The following SRP19 variants were observed in gnomAD, a reference collection of about 807,000 sequenced individuals.
SRP19 encodes signal recognition particle 19, also known as signal recognition particle 19 kDa protein.
A neutral mutation model predicts 22.4 loss-of-function variants in SRP19; 11 were observed. The ratio of observed to expected loss-of-function variants is 0.49; its 90% CI spans 0.31 to 0.81. The LOEUF is 0.81. Among genes scored for constraint, SRP19 ranks in the 40% least tolerant of loss-of-function variants. The pLI is 0.05. For missense variants in SRP19, 168 were observed against 175.9 expected (o/e 0.96, Z 0.25); for synonymous variants, 61 against 57.6 (o/e 1.06, Z -0.27).
downstream of SRP19, chr5:112,894,015 T>C (rs1366104748): frequency 6.6e-6 from 1 of 152,244 alleles, no homozygotes; most frequent in Non-Finnish European, 1.5e-5. Context: ...GCATTAGCTT[T>C]GTTTCCTTGG....
exon 5 of SRP19, chr5:112,891,794 A>T (rs1352403158): frequency 1.2e-6 from 2 of 1,609,566 alleles, no homozygotes; most frequent in East Asian, 4.5e-5. Context: ...TCACAGGAGG[A>T]GGAAGAGGAC....
chr5:112,875,131 T>A (rs957695115), intron 4 of SRP19, among the ~76,000 whole-genome samples: 1 of 152,150 alleles, frequency 6.6e-6, no homozygotes, highest in Non-Finnish European at 1.5e-5. Context: ...TAAATGTGTA[T>A]GTTGTAAGAT....
In SRP19 at chr5:112,864,906, G is replaced by T. The variant is rs978013504; in HGVS notation, c.301+174G>T. 1.6e-5 allele frequency: 7 copies of T among 436,024 alleles called. No homozygotes were observed. In the South Asian group the frequency reaches 3.5e-4, roughly 22 times the overall value. 27.0% of individuals were successfully genotyped at this position (436,024 alleles called of 1,614,324 possible). A position where few individuals can be genotyped will look rare whatever the true frequency, so the allele number is the denominator to read the frequency against. On this transcript the variant is annotated intron_variant, in intron 4 of 4. Coordinates refer to ENST00000505459, the MANE Select transcript of SRP19 (RefSeq NM_003135.3). ...TAGTTCTAATTTCTTTGAGGTGAAT[G>T]ACCTCTTTGAAAATGTAATGAGACC...
chr5:112,875,543 T>A (rs1767875342), intron 4 of SRP19, among the ~76,000 whole-genome samples: 1 of 151,994 alleles, frequency 6.6e-6, no homozygotes, highest in Non-Finnish European at 1.5e-5. Context: ...TTTTTTGGTA[T>A]TTTTTGTAGA....
At chr5:112,878,894 G>C in intron 4 of SRP19, 3 of 1,612,908 alleles carry the variant, frequency 1.9e-6, no homozygotes, top group Non-Finnish European at 2.5e-6. Flanking sequence ...TGGAATGCAA[G>C]CTTGCAAGCT....
chr5:112,864,017 G>T (rs148525022), intron 2 of SRP19, among the ~76,000 whole-genome samples: 213 of 152,254 alleles, frequency 1.4e-3, no homozygotes, highest in Non-Finnish European at 2.6e-3. Flanking sequence ...GTTTTTTAGA[G>T]AACATATTTT....
At chr5:112,872,355 T>C (rs963700286), downstream of SRP19, among the ~76,000 whole-genome samples, 4 of 110,278 alleles carry the variant, frequency 3.6e-5, no homozygotes, top group Non-Finnish European at 7.3e-5. Context: ...TGAGACAGAG[T>C]CTTATTCTTG....
chr5:112,895,992 C>T (rs189722528), downstream of SRP19: 2 of 152,468 alleles, frequency 1.3e-5, no homozygotes, highest in Non-Finnish European at 2.9e-5. Context: ...CATTCTATTC[C>T]GTCTGTGCTT....
At position 112,892,616 on chromosome 5, in the gene SRP19, C is replaced by G. The variant is rs539002159; in HGVS notation, c.*1009C>G. On this transcript the variant is annotated 3_prime_UTR_variant, in exon 5 of 5. Transcript: ENST00000391338. Reference sequence around the variant, plus strand: ...GGTTTATTTGAAATACAACAATGTCCAAGAGGAAAACACTGCAACTTTCTT... The same window carrying G: ...GGTTTATTTGAAATACAACAATGTCGAAGAGGAAAACACTGCAACTTTCTT... 11 of 1,614,076 alleles carry G rather than the reference C, an allele frequency of 6.8e-6. No homozygotes were observed. In the African/African-American group the frequency reaches 1.2e-4, roughly 18 times the overall value.
rs1249826469 is a variant in SRP19, at chr5:112,862,733, C to T, written c.117+150C>T. The T allele has an allele frequency of 4.4e-6, 3 of 686,946 alleles. No individual in the cohort carries two copies. In the African/African-American group the frequency reaches 5.4e-5, roughly 12 times the overall value. The allele number at this position is 686,946 out of a possible 1,614,324, so 42.6% of individuals were successfully genotyped here. On this transcript the variant is annotated intron_variant, in intron 2 of 4. Coordinates refer to ENST00000505459, the MANE Select transcript of SRP19 (RefSeq NM_003135.3). ...CAGCCAAGAATTGGGGTGCGTTCCT[C>T]AGTGTTGGTGAAACCAGAAAGGCAT...
chr5:112,880,712 A>C (rs1050040432), intron 4 of SRP19, among the ~76,000 whole-genome samples: 1 of 152,238 alleles, frequency 6.6e-6, no homozygotes, highest in African/African-American at 2.4e-5. Flanking sequence ...TTGGATTTTA[A>C]GTATTGATAT....
At chr5:112,871,180 GA>G (rs1207754658), downstream of SRP19, among the ~76,000 whole-genome samples, 1 of 148,316 alleles carries the variant, frequency 6.7e-6, no homozygotes, top group Non-Finnish European at 1.5e-5. Flanking sequence ...TAAGATTTCA[GA>G]ACTATTGCTG....
chr5:112,878,557 T>TA (rs1425008322), intron 4 of SRP19: 2 of 532,148 alleles, frequency 3.8e-6, no homozygotes, highest in Non-Finnish European at 6.4e-6. Context: ...AGAGGCAAAA[T>TA]ACATTTTCCA....
At chr5:112,873,782 TTC>T (rs1271267586), downstream of SRP19, among the ~76,000 whole-genome samples, 4 of 152,330 alleles carry the variant, frequency 2.6e-5, no homozygotes, top group East Asian at 5.8e-4. Flanking sequence ...CTTTTTTTCT[TTC>T]TGTTTTTATT....
chr5:112,862,203 G>T (rs1349523445), intron 1 of SRP19, among the ~76,000 whole-genome samples: 3 of 152,166 alleles, frequency 2.0e-5, no homozygotes, highest in East Asian at 1.9e-4. Flanking sequence ...GTTGGTTACA[G>T]AATTTTCTAG....
At chr5:112,861,994 A>G (rs1159686057) in intron 1 of SRP19, among the ~76,000 whole-genome samples, 2 of 152,236 alleles carry the variant, frequency 1.3e-5, no homozygotes, top group Non-Finnish European at 2.9e-5. Context: ...TGTACCAGCA[A>G]TGATGACGAC....
At chr5:112,894,489 C>T (rs1000792796), downstream of SRP19, 2 of 152,126 alleles carry the variant, frequency 1.3e-5, no homozygotes, top group Admixed American at 1.3e-4. Flanking sequence ...AGCTATACAT[C>T]CCCAAAATGC....
At chr5:112,887,608 A>G (rs1768299550) in intron 4 of SRP19, among the ~76,000 whole-genome samples, 1 of 152,212 alleles carries the variant, frequency 6.6e-6, no homozygotes, top group South Asian at 2.1e-4. Context: ...TGGTAAGTTT[A>G]TCACATTTAT....
chr5:112,864,242 T>C (rs530291476), intron 2 of SRP19, among the ~76,000 whole-genome samples: 1 of 152,228 alleles, frequency 6.6e-6, no homozygotes, highest in Non-Finnish European at 1.5e-5. Context: ...CTCAGAAGTT[T>C]ATGTTCTGTT....
Sources: gnomAD v4.1 joint callset for allele counts (sites outside exome capture counted in the v4.1 genomes callset) on GRCh38, gnomAD v4.1.1 for gene constraint, MANE v1.5 for transcripts, NCBI Gene and HGNC (gene_info 2026-07-23, HGNC 2026-07-21) for gene names.